Variants in DDI2 observed in about 807,000 individuals in gnomAD.
The protein encoded by DDI2 is protein DDI1 homolog 2.
In DDI2, 5 loss-of-function variants were observed where a neutral mutation model predicts 48.1. That is an observed-to-expected ratio of 0.10 (90% CI 0.05 to 0.22). The LOEUF (loss-of-function observed/expected upper bound fraction) is 0.22. Ranked by LOEUF, DDI2 falls within the 10% of genes least tolerant of loss-of-function variation. The probability of loss-of-function intolerance (pLI) is 1.00; values close to 1 mark genes in which losing one functional copy is unlikely to be tolerated. For synonymous variants in DDI2, 205 were observed against 183.6 expected (o/e 1.12, Z -0.94); for missense variants, 285 against 506.2 (o/e 0.56, Z 4.19).
intron 1 of DDI2, among the ~76,000 whole-genome samples, chr1:15,621,448 G>A (rs1344645410): frequency 6.6e-6 from 1 of 151,810 alleles, no homozygotes; most frequent in African/African-American, 2.4e-5. Context: ...GCAGTAGTGC[G>A]CTCACAGGTC....
At chr1:15,654,230 T>C (rs1458762171) in intron 8 of DDI2, among the ~76,000 whole-genome samples, 3 of 152,226 alleles carry the variant, frequency 2.0e-5, no homozygotes, top group Non-Finnish European at 4.4e-5. Context: ...CTTTTGCCAC[T>C]GTTTTACTGG....
At chr1:15,656,494 T>C (rs2103480615) in intron 8 of DDI2, 123 bp from the exon 9 acceptor site, 1 of 1,592,606 alleles carries the variant, frequency 6.3e-7, no homozygotes, top group Admixed American at 1.7e-5. Context: ...GAAACATCCC[T>C]CAACTTGGAA....
At chr1:15,625,870 G>A (rs1457585745) in intron 1 of DDI2, among the ~76,000 whole-genome samples, 1 of 152,294 alleles carries the variant, frequency 6.6e-6, no homozygotes, top group East Asian at 1.9e-4. Context: ...ACCCGCCTTG[G>A]CCTCCCAAAG....
At chr1:15,627,052 C>T (rs572136217) in intron 2 of DDI2, 222 of 461,162 alleles carry the variant, frequency 4.8e-4, no homozygotes, top group Non-Finnish European at 7.8e-4. Context: ...AATCTTAGCA[C>T]ACAGCAAGCC....
Position 15,651,791 on chromosome 1 carries a change from A to C in DDI2, c.1079A>C (p.Glu360Ala), listed in dbSNP as rs758406834. The change falls in exon 8 of 10, where the codon GAG becomes GCG. Residue 360 changes from glutamate (E) to alanine (A), a missense_variant. Physicochemically the swap from Glu to Ala is moderately radical, Grantham distance 107. Around this residue, in one of 3 missense-constraint regions of DDI2, gnomAD observed 66 missense variants for 87.3 expected, o/e 0.76. Transcript: ENST00000480945. ...TTTCTTCCTGAGGGAGAGCTACCAG[A>C]GTGTGCCCGGTTGGCATATGGGGCT... ...TTFLPEGELP[E>A]CARLAYGAGR... The C allele has an allele frequency of 6.2e-7, 1 of 1,614,030 alleles. No homozygotes were observed. The highest frequency in any genetic ancestry group is 8.5e-7 in the Non-Finnish European group (1 of 1,179,956).
intron 4 of DDI2, among the ~76,000 whole-genome samples, chr1:15,636,552 A>G (rs1227437732): frequency 6.6e-6 from 1 of 150,972 alleles, no homozygotes; most frequent in African/African-American, 2.4e-5. Context: ...AGCTCACTGC[A>G]GCCTCAGCCT....
chr1:15,653,550 TA>T (rs201847560), intron 8 of DDI2, among the ~76,000 whole-genome samples: 21 of 151,438 alleles, frequency 1.4e-4, no homozygotes, highest in Non-Finnish European at 1.8e-4. Context: ...TTTACTTAAT[TA>T]AAAAAAAAAT....
At chr1:15,638,916 G>A (rs982384632) in intron 5 of DDI2, among the ~76,000 whole-genome samples, 2 of 152,076 alleles carry the variant, frequency 1.3e-5, no homozygotes, top group African/African-American at 4.8e-5. Flanking sequence ...GTATTTTGTG[G>A]TGTCTCCTTT....
chr1:15,618,252 T>C (rs1336423010), intron 1 of DDI2, among the ~76,000 whole-genome samples: 1 of 65,410 alleles, frequency 1.5e-5, no homozygotes, highest in Non-Finnish European at 3.1e-5. Context: ...GTTCCTCTGC[T>C]TTTTTTTTTT....
chr1:15,642,374 T>C (rs1286860826), intron 5 of DDI2, among the ~76,000 whole-genome samples: 1 of 152,248 alleles, frequency 6.6e-6, no homozygotes, highest in African/African-American at 2.4e-5. Flanking sequence ...AGTCCACTTC[T>C]AAATTTTGGA....
rs1197284738 is a variant in DDI2 at position 15,617,508 on chromosome 1, G to A, written c.-163G>A. ...CGGCCGTGCTTGCTAGTGAGGGCGGGAGGGAGTGACTCACTGAGCGTGTGT... is the reference window on the plus strand; with the variant it reads ...CGGCCGTGCTTGCTAGTGAGGGCGGAAGGGAGTGACTCACTGAGCGTGTGT... On this transcript the variant is annotated 5_prime_UTR_variant, in exon 1 of 10. Coordinates refer to ENST00000480945, the MANE Select transcript of DDI2 (RefSeq NM_032341.5). 2 of 443,854 alleles carry A rather than the reference G, an allele frequency of 4.5e-6. No individual in the cohort carries two copies. The highest frequency in any genetic ancestry group is 7.2e-6 in the Non-Finnish European group (2 of 277,336). 27.5% of individuals were successfully genotyped at this position (443,854 alleles called of 1,614,324 possible).
chr1:15,655,752 CAAAAAAAAAA>C (rs111602583), intron 8 of DDI2, among the ~76,000 whole-genome samples: 1 of 115,932 alleles, frequency 8.6e-6, no homozygotes, highest in African/African-American at 3.1e-5. Flanking sequence ...GACTCCTTCT[CAAAAAAAAAA>C]AAAAAGAAAA....
chr1:15,652,878 C>G (rs1368263406), intron 8 of DDI2, among the ~76,000 whole-genome samples: 1 of 150,492 alleles, frequency 6.6e-6, no homozygotes, highest in South Asian at 2.1e-4. Flanking sequence ...GTGGCACACC[C>G]CCCGTAACCC....
At chr1:15,632,171 G>C (rs12742538) in intron 3 of DDI2, among the ~76,000 whole-genome samples, 1 of 152,324 alleles carries the variant, frequency 6.6e-6, no homozygotes, top group African/African-American at 2.4e-5. Context: ...TAGTAGTTCA[G>C]ATAACCATTG....
intron 1 of DDI2, among the ~76,000 whole-genome samples, chr1:15,625,080 G>A (rs1439323001): frequency 2.0e-5 from 3 of 152,126 alleles, no homozygotes; most frequent in Non-Finnish European, 4.4e-5. Context: ...AGCAGATATG[G>A]CATAATCACT....
Position 15,644,577 on chromosome 1 carries a change from A to AGTTTTTTTT in DDI2, c.889+937_889+945dup, listed in dbSNP as rs1418270538. Among the ~76,000 whole-genome samples, 11 of 117,686 alleles carry AGTTTTTTTT rather than the reference A, an allele frequency of 9.3e-5. No homozygotes were observed. In the East Asian group the frequency reaches 1.9e-3, roughly 21 times the overall value. The allele number at this position is 117,686 out of a possible 152,430, so 77.2% of individuals were successfully genotyped here. A position where few individuals can be genotyped will look rare whatever the true frequency, so the allele number is the denominator to read the frequency against. ...ATGTGAAAGTTTTCTTTTTCTTTTC[A>AGTTTTTTTT]GTTTTTTTTGTTTTTTTTTTTTTTT... On this transcript the variant is annotated intron_variant, in intron 6 of 9. Transcript: ENST00000480945.
chr1:15,660,513 G>C lies in DDI2; in HGVS notation c.*723G>C. On this transcript the variant is annotated 3_prime_UTR_variant, in exon 10 of 10. Coordinates refer to ENST00000480945, the MANE Select transcript of DDI2 (RefSeq NM_032341.5). ...ACAAAATTGTTGATTTGGAAGCTACGATGAAAGGAAATGGGCTCCCACAGA... is the reference window on the plus strand; with the variant it reads ...ACAAAATTGTTGATTTGGAAGCTACCATGAAAGGAAATGGGCTCCCACAGA... The C allele has an allele frequency of 6.2e-7, 1 of 1,613,644 alleles. No homozygotes were observed. Among genetic ancestry groups the C allele is most frequent in the South Asian group, 1.1e-5 (1 of 90,884 alleles).
In DDI2 at chr1:15,663,791, G is replaced by T. The variant is rs1640413729; in HGVS notation, c.*4001G>T. The T allele has an allele frequency of 6.6e-6, 1 of 152,006 alleles. No individual in the cohort carries two copies. The highest frequency in any genetic ancestry group is 2.1e-4 in the South Asian group (1 of 4,824). The allele number at this position is 152,006 out of a possible 1,614,324, so 9.4% of individuals were successfully genotyped here. On this transcript the variant is annotated 3_prime_UTR_variant, in exon 10 of 10. Transcript: ENST00000480945. ...AGCTTATAAATCTTTGGAACCACGG[G>T]GTGGGAAGGGTGGGGGAACTTACTG...
At chr1:15,625,162 CAT>C (rs1232370139) in intron 1 of DDI2, among the ~76,000 whole-genome samples, 2 of 152,128 alleles carry the variant, frequency 1.3e-5, no homozygotes, top group African/African-American at 4.8e-5. Flanking sequence ...TGTAAGGAAA[CAT>C]AGAATGATAA....
Sources: gnomAD v4.1 joint callset for allele counts (sites outside exome capture counted in the v4.1 genomes callset) on GRCh38, gnomAD v4.1.1 for gene constraint, gnomAD v4.1.1 regional missense constraint, MANE v1.5 for transcripts, NCBI Gene and HGNC (gene_info 2026-07-23, HGNC 2026-07-21) for gene names.